LIMCH1: variants seen among roughly 807,000 people sequenced by gnomAD.
The protein encoded by LIMCH1 is LIM and calponin homology domains-containing protein 1.
Under a neutral mutation model 176.5 loss-of-function variants are expected in LIMCH1, and 113 were observed. The observed-to-expected ratio is 0.64, with a 90% CI of 0.55 to 0.75. The LOEUF is 0.75. Among genes scored for constraint, LIMCH1 ranks in the 30% least tolerant of loss-of-function variants. LIMCH1 has a pLI of 0.00. For missense variants in LIMCH1, 1,674 were observed against 1,814.9 expected (o/e 0.92, Z 1.41); for synonymous variants, 619 against 645.9 (o/e 0.96, Z 0.63).
At chr4:41,533,594 C>G (rs569066702), upstream of LIMCH1, among the ~76,000 whole-genome samples, 34 of 152,220 alleles carry the variant, frequency 2.2e-4, no homozygotes, top group Non-Finnish European at 4.3e-4. Flanking sequence ...CTCTTGCCTT[C>G]CAAGTAAAAA....
intron 1 of LIMCH1, among the ~76,000 whole-genome samples, chr4:41,546,259 C>T (rs1043181196): frequency 2.0e-5 from 3 of 152,082 alleles, no homozygotes; most frequent in Non-Finnish European, 4.4e-5. Flanking sequence ...CTGCCTCACC[C>T]TCCCAAGTAG....
In LIMCH1 at chr4:41,684,562, G is replaced by T. The variant is rs748214850; in HGVS notation, c.3967+44G>T. 8.1e-6 allele frequency: 13 copies of T among 1,604,952 alleles called. No individual in the cohort carries two copies. In the Middle Eastern group the frequency reaches 5.0e-4, roughly 62 times the overall value. ...AGTTTCATTCAATGTTTAAATTGTT[G>T]TAAGACCCCCACATTGTCCAGAAAG... On this transcript the variant is annotated intron_variant, in intron 27 of 31. Transcript: ENST00000503057.
At chr4:41,636,196 C>T (rs2093579462) in intron 13 of LIMCH1, among the ~76,000 whole-genome samples, 1 of 151,522 alleles carries the variant, frequency 6.6e-6, no homozygotes, top group Non-Finnish European at 1.5e-5. Context: ...AGGCATGAGC[C>T]ACCATGCCTG....
Position 41,626,824 on chromosome 4 carries a change from G to A in LIMCH1, c.842G>A (p.Cys281Tyr). Residue 281 changes from cysteine to tyrosine, a missense_variant, in exon 8 of 32, where the codon TGT (cysteine) becomes TAT (tyrosine). By Grantham distance (194) the Cys-to-Tyr change is radical. This residue lies in a region of LIMCH1 where 655 missense variants were observed against 692.2 expected (regional missense o/e 0.95). Coordinates refer to ENST00000503057, the MANE Select transcript of LIMCH1 (RefSeq NM_001330672.2). Reference sequence around the variant, plus strand: ...TCAGAGGCAGAAGGTGAAGTTGTGTGTCGACTGCCTGATCTTGAGAAGGAT... The same window carrying A: ...TCAGAGGCAGAAGGTGAAGTTGTGTATCGACTGCCTGATCTTGAGAAGGAT... Reference protein sequence around the residue: ...NDSEAEGEVVCRLPDLEKDDF... With the variant: ...NDSEAEGEVVYRLPDLEKDDF... 6.5e-7 allele frequency: 1 copy of A among 1,536,236 alleles called. No individual in the cohort carries two copies. Among genetic ancestry groups the A allele is most frequent in the Non-Finnish European group, 8.7e-7 (1 of 1,146,920 alleles).
chr4:41,581,961 A>G (rs2085562979), intron 1 of LIMCH1, among the ~76,000 whole-genome samples: 1 of 152,176 alleles, frequency 6.6e-6, no homozygotes, highest in Admixed American at 6.5e-5. Flanking sequence ...TTTTATGGCT[A>G]ATATTCCATT....
intron 1 of LIMCH1, among the ~76,000 whole-genome samples, chr4:41,572,411 A>T (rs1481762356): frequency 6.7e-6 from 1 of 148,892 alleles, no homozygotes; most frequent in Non-Finnish European, 1.5e-5. Flanking sequence ...TTACAATACT[A>T]GTTTTTTTTA....
intron 31 of LIMCH1, among the ~76,000 whole-genome samples, chr4:41,696,717 A>G (rs1044482275): frequency 2.6e-5 from 4 of 152,186 alleles, no homozygotes; most frequent in Non-Finnish European, 5.9e-5. Flanking sequence ...CTAGCAATCT[A>G]ATTTCTAGAT....
At chr4:41,417,201 T>C (rs1030288101) in intron 1 of LIMCH1, among the ~76,000 whole-genome samples, 15 of 152,178 alleles carry the variant, frequency 9.9e-5, no homozygotes, top group Admixed American at 3.3e-4. Context: ...TGGGAACACA[T>C]TGGTCATCAC....
At chr4:41,374,497 T>C (rs1456724299) in intron 1 of LIMCH1, among the ~76,000 whole-genome samples, 18 of 152,206 alleles carry the variant, frequency 1.2e-4, no homozygotes, top group Admixed American at 1.2e-3. Context: ...AGTAGTATGA[T>C]ATATTTAAAA....
At chr4:41,361,146 G>A (rs1014735994) in intron 1 of LIMCH1, among the ~76,000 whole-genome samples, 2 of 152,214 alleles carry the variant, frequency 1.3e-5, no homozygotes, top group Admixed American at 6.5e-5. Flanking sequence ...CGTGAAAGGG[G>A]ACACTGCAGT....
intron 9 of LIMCH1, 99 bp downstream of exon 9, chr4:41,629,833 G>A: frequency 7.5e-7 from 1 of 1,338,516 alleles, no homozygotes; most frequent in Non-Finnish European, 9.9e-7. Context: ...TTTTTGTCAG[G>A]GTCTTGCTCT....
intron 1 of LIMCH1, among the ~76,000 whole-genome samples, chr4:41,443,192 CTTTTTTTTTTTTTT>C (rs916559501): frequency 7.6e-5 from 3 of 39,678 alleles, no homozygotes; most frequent in East Asian, 6.7e-4. Context: ...TGTTTTTTTT[CTTTTTTTTTTTTTT>C]TTTTTTTTTT....
intron 22 of LIMCH1, among the ~76,000 whole-genome samples, chr4:41,673,656 G>A (rs1048879328): frequency 6.6e-6 from 1 of 152,128 alleles, no homozygotes; most frequent in African/African-American, 2.4e-5. Context: ...TCTGATGGTA[G>A]GAGATGCATT....
chr4:41,676,669 G>A (rs765807614), intron 23 of LIMCH1, among the ~76,000 whole-genome samples: 18 of 152,030 alleles, frequency 1.2e-4, no homozygotes, highest in Non-Finnish European at 1.8e-4. Context: ...TAAACATGAT[G>A]AAAAACCATT....
chr4:41,518,271 T>C (rs1402086746), intron 2 of LIMCH1, among the ~76,000 whole-genome samples: 1 of 152,196 alleles, frequency 6.6e-6, no homozygotes, highest in East Asian at 1.9e-4. Flanking sequence ...TAAGGTACCA[T>C]TTTGTAGCAC....
intron 1 of LIMCH1, among the ~76,000 whole-genome samples, chr4:41,547,370 T>C (rs1334258501): frequency 6.6e-6 from 1 of 152,058 alleles, no homozygotes; most frequent in African/African-American, 2.4e-5. Context: ...CTCTATGAGT[T>C]TGGCTTTTTT....
intron 1 of LIMCH1, among the ~76,000 whole-genome samples, chr4:41,383,398 G>C (rs1439208534): frequency 6.6e-6 from 1 of 152,222 alleles, no homozygotes; most frequent in Non-Finnish European, 1.5e-5. Context: ...GTGGGTGCCA[G>C]TGAAGACCTC....
At chr4:41,418,526 A>G (rs1464406182) in intron 1 of LIMCH1, among the ~76,000 whole-genome samples, 1 of 149,268 alleles carries the variant, frequency 6.7e-6, no homozygotes, top group Admixed American at 6.6e-5. Context: ...ACCCACAGCC[A>G]AGAGCTGTGC....
intron 2 of LIMCH1, among the ~76,000 whole-genome samples, chr4:41,510,444 G>A (rs1315000321): frequency 1.3e-5 from 2 of 152,246 alleles, no homozygotes; most frequent in African/African-American, 4.8e-5. Flanking sequence ...TTTTTTGATT[G>A]TCTCTAATGG....
Sources: gnomAD v4.1 joint callset for allele counts (sites outside exome capture counted in the v4.1 genomes callset) on GRCh38, gnomAD v4.1.1 for gene constraint, gnomAD v4.1.1 regional missense constraint, MANE v1.5 for transcripts, NCBI Gene and HGNC (gene_info 2026-07-23, HGNC 2026-07-21) for gene names.